ENOX2: variants seen among roughly 807,000 people sequenced by gnomAD.
ENOX2 encodes ecto-NOX disulfide-thiol exchanger 2.
Under a neutral mutation model 45.0 loss-of-function variants are expected in ENOX2, and 36 were observed. That is an observed-to-expected ratio of 0.80 (90% CI 0.61 to 1.06). The LOEUF (loss-of-function observed/expected upper bound fraction) is 1.06. ENOX2 is among the 50% of genes least tolerant of loss of function. ENOX2 has a pLI of 0.00. For missense variants in ENOX2, 423 were observed against 462.5 expected, an observed-to-expected ratio of 0.91 and a Z score of 0.78; for synonymous variants, 174 against 152.3, an observed-to-expected ratio of 1.14 and a Z score of -1.05.
At chrX:130,882,043 A>C (rs943757389) in intron 2 of ENOX2, among the ~76,000 whole-genome samples, 2 of 111,869 alleles carry the variant, frequency 1.8e-5, no homozygotes, top group African/African-American at 6.5e-5. Context: ...TATTGGGGGA[A>C]GACAGACCAA....
Position 130,898,750 on chromosome X carries a change from T to G in ENOX2, c.-183+2934A>C, listed in dbSNP as rs1463598995. On this transcript the variant is annotated intron_variant, in intron 2 of 14. Coordinates refer to ENST00000394363, the MANE Select transcript of ENOX2 (RefSeq NM_006375.4). ...TTCTTTTTTTTCTTTTTTTTTTTTTTGTTGTTTTTGCTATTAGTATAAACA... is the reference window on the plus strand; with the variant it reads ...TTCTTTTTTTTCTTTTTTTTTTTTTGGTTGTTTTTGCTATTAGTATAAACA... Among the ~76,000 whole-genome samples, 12 of 108,116 alleles carry G rather than the reference T, an allele frequency of 1.1e-4. No individual in the cohort carries two copies. In the Admixed American group the frequency reaches 1.2e-3, roughly 11 times the overall value. The allele number at this position is 108,116 out of a possible 115,157, so 93.9% of individuals were successfully genotyped here. A position where few individuals can be genotyped will look rare whatever the true frequency, so the allele number is the denominator to read the frequency against.
chrX:130,828,850 T>C (rs1003699792), intron 2 of ENOX2, among the ~76,000 whole-genome samples: 2 of 111,812 alleles, frequency 1.8e-5, no homozygotes, highest in Non-Finnish European at 3.8e-5. Context: ...GAATGGCGTC[T>C]TTGTCTAGAA....
At chrX:130,818,646 G>T (rs1423603018) in intron 2 of ENOX2, among the ~76,000 whole-genome samples, 1 of 111,498 alleles carries the variant, frequency 9.0e-6, no homozygotes, top group African/African-American at 3.3e-5. Context: ...CAAGCAATGG[G>T]GAAAGGATTC....
At chrX:130,719,403 T>C (rs1603323233) in intron 3 of ENOX2, among the ~76,000 whole-genome samples, 2 of 106,886 alleles carry the variant, frequency 1.9e-5, no homozygotes, top group Admixed American at 1.0e-4. Flanking sequence ...ATGCTGGTAA[T>C]GTTCCCACAC....
chrX:130,900,052 T>C (rs2079119554), intron 2 of ENOX2, among the ~76,000 whole-genome samples: 1 of 112,155 alleles, frequency 8.9e-6, no homozygotes, highest in South Asian at 3.8e-4. Context: ...AGCCTCATCA[T>C]ATCCACCTCC....
intron 3 of ENOX2, among the ~76,000 whole-genome samples, chrX:130,755,638 T>C (rs1482070174): frequency 9.0e-6 from 1 of 110,832 alleles, no homozygotes; most frequent in Non-Finnish European, 1.9e-5. Flanking sequence ...ATAGGGTACA[T>C]GAGACATTTG....
chrX:130,679,668 C>T lies in ENOX2; in HGVS notation c.334G>A (p.Glu112Lys). ...TCGAAAACTTCCACAATGATTTGCTCTGTCCCATTTTCAGGCAGACCACCC... is the reference window on the plus strand; with the variant it reads ...TCGAAAACTTCCACAATGATTTGCTTTGTCCCATTTTCAGGCAGACCACCC... ...FVGGLPENGT[E>K]QIIVEVFEQC... Residue 112 changes from glutamate to lysine, a missense_variant, in exon 6 of 15, where the codon GAG (glutamate) becomes AAG (lysine). Glu to Lys is a moderately conservative substitution (Grantham distance 56, BLOSUM62 1). Around this residue, in one of 5 missense-constraint regions of ENOX2, gnomAD observed 261 missense variants for 306.8 expected, o/e 0.85. Transcript: ENST00000394363. The T allele has an allele frequency of 1.7e-6, 2 of 1,211,061 alleles. No individual in the cohort carries two copies. The highest frequency in any genetic ancestry group is 2.2e-6 in the Non-Finnish European group (2 of 894,677).
chrX:130,819,309 C>T (rs955554447), intron 2 of ENOX2, among the ~76,000 whole-genome samples: 1 of 111,864 alleles, frequency 8.9e-6, no homozygotes. Flanking sequence ...TTGTGGAAGA[C>T]AGTGTGGCAA....
At position 130,713,203 on chromosome X, in the gene ENOX2, T is replaced by A. The variant is rs1428185614; in HGVS notation, c.-38-9949A>T. On this transcript the variant is annotated intron_variant, in intron 3 of 14. Coordinates refer to ENST00000394363, the MANE Select transcript of ENOX2 (RefSeq NM_006375.4). ...CAATATCTGACACAGAGCAAGTACC[T>A]GATCATGACTTTAACCCTACTTCCT... 2.7e-5 allele frequency among the ~76,000 whole-genome samples: 3 copies of A among 111,847 alleles called. No homozygotes were observed. In the East Asian group the frequency reaches 8.4e-4, roughly 31 times the overall value.
rs930857308 is a variant in ENOX2, at chrX:130,764,106, CAA to C, written c.-39+19439_-39+19440del. 2.7e-5 allele frequency among the ~76,000 whole-genome samples: 3 copies of C among 110,591 alleles called. No individual in the cohort carries two copies. In the Admixed American group the frequency reaches 2.9e-4, roughly 11 times the overall value. ...TGAGATATGAGGCAAAAACAAAATC[CAA>C]AAAACTTGAGGAATGTCACGCCTCA... On this transcript the variant is annotated intron_variant, in intron 3 of 14. Transcript: ENST00000394363.
chrX:130,865,656 G>T (rs964044691), intron 2 of ENOX2, among the ~76,000 whole-genome samples: 1 of 111,755 alleles, frequency 8.9e-6, no homozygotes, highest in East Asian at 2.8e-4. Flanking sequence ...AATATACAGA[G>T]ATCATTTAAG....
chrX:130,640,162 C>A (rs748474307), intron 10 of ENOX2, among the ~76,000 whole-genome samples: 1 of 111,504 alleles, frequency 9.0e-6, no homozygotes, highest in African/African-American at 3.3e-5. Flanking sequence ...ATGACCTAAT[C>A]ACCCCCAAGG....
At chrX:130,714,091 G>A (rs1483275926) in intron 3 of ENOX2, among the ~76,000 whole-genome samples, 1 of 111,429 alleles carries the variant, frequency 9.0e-6, no homozygotes, top group Non-Finnish European at 1.9e-5. Flanking sequence ...CCATGCTCTT[G>A]GAAGTCTGGC....
At chrX:130,881,015 T>A (rs1406218568) in intron 2 of ENOX2, among the ~76,000 whole-genome samples, 2 of 112,591 alleles carry the variant, frequency 1.8e-5, no homozygotes, top group Non-Finnish European at 3.8e-5. Flanking sequence ...CATCTAGACC[T>A]GTAAGAGAAT....
chrX:130,659,681 T>G (rs2036636701), intron 9 of ENOX2, among the ~76,000 whole-genome samples: 1 of 112,651 alleles, frequency 8.9e-6, no homozygotes, highest in Admixed American at 9.4e-5. Flanking sequence ...GGCTTTCTAG[T>G]TGCCTAACAA....
At chrX:130,725,890 T>C (rs1281158306) in intron 3 of ENOX2, among the ~76,000 whole-genome samples, 1 of 111,725 alleles carries the variant, frequency 9.0e-6, no homozygotes, top group African/African-American at 3.3e-5. Context: ...GGAATAATAA[T>C]TTCTGTCTAG....
chrX:130,895,692 G>A (rs1415161757), intron 2 of ENOX2, among the ~76,000 whole-genome samples: 1 of 111,963 alleles, frequency 8.9e-6, no homozygotes. Flanking sequence ...AGAGACCACT[G>A]AAAAACAGAG....
chrX:130,796,256 T>G (rs2077124935), intron 2 of ENOX2, among the ~76,000 whole-genome samples: 1 of 110,601 alleles, frequency 9.0e-6, no homozygotes, highest in African/African-American at 3.3e-5. Context: ...GATCTGGGAG[T>G]TGAGGAGAAG....
At chrX:130,704,510 T>G (rs1301936794) in intron 3 of ENOX2, among the ~76,000 whole-genome samples, 1 of 111,273 alleles carries the variant, frequency 9.0e-6, no homozygotes, top group Non-Finnish European at 1.9e-5. Context: ...TGACTACTGA[T>G]AGCCATAGAA....
Sources: gnomAD v4.1 joint callset for allele counts (sites outside exome capture counted in the v4.1 genomes callset) on GRCh38, gnomAD v4.1.1 for gene constraint, gnomAD v4.1.1 regional missense constraint, MANE v1.5 for transcripts, NCBI Gene and HGNC (gene_info 2026-07-23, HGNC 2026-07-21) for gene names.